The following PLBD2 variants were observed in gnomAD, a reference collection of about 807,000 sequenced individuals.
The protein encoded by PLBD2 is putative aminopeptidase PLBD2.
A neutral mutation model predicts 68.3 loss-of-function variants in PLBD2; 51 were observed. That is an observed-to-expected ratio of 0.75 (90% CI 0.60 to 0.94). PLBD2 has a LOEUF of 0.94. PLBD2 is among the 40% of genes least tolerant of loss of function. The pLI is 0.00. For missense variants in PLBD2, 729 were observed against 792.2 expected (o/e 0.92, Z 0.96); for synonymous variants, 314 against 339.3 (o/e 0.93, Z 0.82).
chr12:113,374,866 G>T lies in PLBD2; in HGVS notation c.718G>T (p.Gly240Cys). Residue 240 changes from glycine to cysteine, a missense_variant, in exon 5 of 12, where the codon GGC (glycine) becomes TGC (cysteine). Transcript: ENST00000280800. ...CAAGACCAAGATCAAACCTTCTCTG[G>T]GCTCTGGCTCCTGTTCTGCCCTCAT... ...LNKTKIKPSL[G>C]SGSCSALIKL... The T allele has an allele frequency of 6.2e-7, 1 of 1,613,934 alleles. No homozygotes were observed. The highest frequency in any genetic ancestry group is 8.5e-7 in the Non-Finnish European group (1 of 1,180,036).
At chr12:113,373,101 G>T (rs1957404179) in intron 3 of PLBD2, among the ~76,000 whole-genome samples, 1 of 152,236 alleles carries the variant, frequency 6.6e-6, no homozygotes, top group Admixed American at 6.5e-5. Context: ...TGTTTTGCTT[G>T]CATACAAGGG....
intron 1 of PLBD2, chr12:113,359,278 C>G (rs1007618444): frequency 2.1e-5 from 4 of 192,766 alleles, no homozygotes; most frequent in African/African-American, 9.4e-5. Flanking sequence ...GGCCAGCCCC[C>G]TGTCCCCAGG....
chr12:113,366,774 A>C (rs1047359322), intron 1 of PLBD2, among the ~76,000 whole-genome samples: 15 of 122,066 alleles, frequency 1.2e-4, no homozygotes, highest in Admixed American at 2.7e-4. Context: ...GCCTCTCCCC[A>C]CTCCCCTCCT....
rs1198634361 is a variant in PLBD2, at chr12:113,374,899, C to T, written c.751C>T (p.Leu251Phe). The T allele has an allele frequency of 1.2e-6, 2 of 1,614,120 alleles. No homozygotes were observed. The highest frequency in any genetic ancestry group is 1.7e-5 in the Admixed American group (1 of 60,018). Residue 251 changes from leucine to phenylalanine, a missense_variant, in exon 5 of 12, where the codon CTC becomes TTC. Coordinates refer to ENST00000280800, the MANE Select transcript of PLBD2 (RefSeq NM_173542.4). Reference sequence around the variant, plus strand: ...CTCCTGTTCTGCCCTCATCAAGCTGCTCCCTGGCCAGAGTGACCTCCTGGT... The same window carrying T: ...CTCCTGTTCTGCCCTCATCAAGCTGTTCCCTGGCCAGAGTGACCTCCTGGT... ...SGSCSALIKL[L>F]PGQSDLLVAH...
chr12:113,373,816 C>T (rs1957411388), intron 3 of PLBD2, among the ~76,000 whole-genome samples: 1 of 150,448 alleles, frequency 6.6e-6, no homozygotes. Context: ...TCCATTCACA[C>T]ACCCGTCCAT....
chr12:113,381,445 A>G (rs188549561), intron 6 of PLBD2, among the ~76,000 whole-genome samples: 35 of 152,230 alleles, frequency 2.3e-4, no homozygotes, highest in African/African-American at 7.7e-4. Context: ...TTTGATCTCC[A>G]GGGCAACGAG....
At chr12:113,380,692 G>C in intron 5 of PLBD2, 53 bp from the exon 6 acceptor site, 2 of 1,424,604 alleles carry the variant, frequency 1.4e-6, no homozygotes, top group Non-Finnish European at 1.9e-6. Context: ...GGGTGCAGGG[G>C]CCTCCACCTG....
At chr12:113,386,629 A>G (rs1011390417) in intron 9 of PLBD2, among the ~76,000 whole-genome samples, 1 of 147,872 alleles carries the variant, frequency 6.8e-6, no homozygotes, top group African/African-American at 2.5e-5. Context: ...AAGTGAGTAC[A>G]TGCCTCAGCC....
In PLBD2 at chr12:113,387,837, C is replaced by T. The variant is rs776456119; in HGVS notation, c.1533C>T (p.Leu511=). 4 of 1,614,130 alleles carry T rather than the reference C, an allele frequency of 2.5e-6. No homozygotes were observed. The highest frequency in any genetic ancestry group is 2.2e-5 in the East Asian group (1 of 44,896). The change falls in exon 11 of 12, where the codon CTC becomes CTT. Residue 511 remains leucine (L), a synonymous_variant. Transcript: ENST00000280800. The part of the protein sequence containing the change: ...GENAISARSD[L]NPANGSYPFQ... ...ATGCTATCTCCGCCCGCTCCGACCT[C>T]AACCCGGCCAATGGCTCCTACCCCT... is the stretch of plus-strand genomic sequence containing the variant.
intron 1 of PLBD2, 64 bp from the exon 2 acceptor site, chr12:113,369,052 G>T: frequency 1.8e-6 from 2 of 1,110,258 alleles, no homozygotes; most frequent in Non-Finnish European, 1.3e-6. Context: ...TTTAAGCCTG[G>T]AGATGCCATG....
Position 113,358,638 on chromosome 12 carries a change from T to A in PLBD2, c.38T>A (p.Leu13Gln). ...GQMYCYPGSH[L>Q]ARALTRALAL... is the part of the protein sequence containing the mutation. ...ATGTACTGCTACCCCGGCAGCCACC[T>A]GGCCCGGGCGCTGACGCGGGCGCTG... is the stretch of plus-strand genomic sequence containing the variant. Residue 13 changes from leucine (L) to glutamine (Q), a missense_variant, in exon 1 of 12, where the codon CTG (leucine) becomes CAG (glutamine). Transcript: ENST00000280800. The A allele has an allele frequency of 6.8e-7, 1 of 1,465,436 alleles. No individual in the cohort carries two copies. The highest frequency in any genetic ancestry group is 9.0e-7 in the Non-Finnish European group (1 of 1,115,900). 90.8% of individuals were successfully genotyped at this position (1,465,436 alleles called of 1,614,324 possible). A position where few individuals can be genotyped will look rare whatever the true frequency, so the allele number is the denominator to read the frequency against.
chr12:113,372,938 C>T lies in PLBD2; in HGVS notation c.543+131C>T. ...CTCTGTTTCCATCATCATCTCCATC[C>T]CTCCTAGCCGACCTGCCACTCATCC... is the stretch of plus-strand genomic sequence containing the variant. On this transcript the variant is annotated intron_variant, in intron 3 of 11. Coordinates refer to ENST00000280800, the MANE Select transcript of PLBD2 (RefSeq NM_173542.4). The surrounding 1 kb of genome is among the most constrained non-coding windows in gnomAD (Gnocchi z 4.2). 11 of 1,047,680 alleles carry T rather than the reference C, an allele frequency of 1.0e-5. No individual in the cohort carries two copies. Among genetic ancestry groups the T allele is most frequent in the Non-Finnish European group, 1.5e-5 (11 of 738,008 alleles). The allele number at this position is 1,047,680 out of a possible 1,614,324, so 64.9% of individuals were successfully genotyped here.
chr12:113,368,216 T>G lies in PLBD2; in HGVS notation c.291-900T>G, dbSNP rs568859744. On this transcript the variant is annotated intron_variant, in intron 1 of 11. Transcript: ENST00000280800. Reference sequence around the variant, plus strand: ...TCCTTCAGAGGAGTGGGAGCCAGCCTGCCTGGAAGTGAATCCTGCCCCTGC... The same window carrying G: ...TCCTTCAGAGGAGTGGGAGCCAGCCGGCCTGGAAGTGAATCCTGCCCCTGC... Among the ~76,000 whole-genome samples the G allele has an allele frequency of 4.6e-5, 7 of 152,334 alleles. No individual in the cohort carries two copies. The South Asian group carries it at 1.0e-3, about 23-fold the overall frequency.
At chr12:113,375,090 G>A (rs1336233015) in intron 5 of PLBD2, 83 bp downstream of exon 5, 2 of 1,286,352 alleles carry the variant, frequency 1.6e-6, no homozygotes, top group Non-Finnish European at 2.2e-6. Flanking sequence ...TTTGGGCCTT[G>A]GAAACCCTCC....
chr12:113,380,570 G>A (rs536958758), intron 5 of PLBD2, among the ~76,000 whole-genome samples, 175 bp from the exon 6 acceptor site: 4 of 152,276 alleles, frequency 2.6e-5, no homozygotes, highest in Non-Finnish European at 4.4e-5. Context: ...TTACTTGCAC[G>A]TATATGCACT....
intron 6 of PLBD2, among the ~76,000 whole-genome samples, chr12:113,382,801 G>A (rs1957503641): frequency 6.8e-6 from 1 of 147,148 alleles, no homozygotes; most frequent in Non-Finnish European, 1.5e-5. Context: ...GCTGTTCTCA[G>A]CTTTTTGGTG....
intron 9 of PLBD2, 30 bp from the exon 10 acceptor site, chr12:113,386,907 G>C: frequency 6.2e-7 from 1 of 1,609,718 alleles, no homozygotes; most frequent in Non-Finnish European, 8.5e-7. Flanking sequence ...GCCAGTGGGG[G>C]TCATGGGTGA....
Position 113,388,801 on chromosome 12 carries a change from C to T in PLBD2, c.*175C>T, listed in dbSNP as rs1957578848. ...CGAACCTGATGGGGCTCAGAACTGA[C>T]CCCCTCTCTCCCCCGAGGTGGGTGG... On this transcript the variant is annotated 3_prime_UTR_variant, in exon 12 of 12. Coordinates refer to ENST00000280800, the MANE Select transcript of PLBD2 (RefSeq NM_173542.4). 1.7e-6 allele frequency: 1 copy of T among 588,948 alleles called. No individual in the cohort carries two copies. Among genetic ancestry groups the T allele is most frequent in the Non-Finnish European group, 2.7e-6 (1 of 366,240 alleles). 36.5% of individuals were successfully genotyped at this position (588,948 alleles called of 1,614,324 possible).
chr12:113,380,853 T>C lies in PLBD2; in HGVS notation c.957+11T>C. 1 of 1,549,010 alleles carries C rather than the reference T, an allele frequency of 6.5e-7. No homozygotes were observed. Among genetic ancestry groups the C allele is most frequent in the Non-Finnish European group, 8.7e-7 (1 of 1,145,694 alleles). ...CTGGGCAGTGGGCTGGTGAGTCCCT[T>C]TCTCATGTCTCCTCTGTTCCTGGGG... is the stretch of plus-strand genomic sequence containing the variant. On this transcript the variant is annotated intron_variant, in intron 6 of 11. Transcript: ENST00000280800.
Sources: gnomAD v4.1 joint callset for allele counts (sites outside exome capture counted in the v4.1 genomes callset) on GRCh38, gnomAD v4.1.1 for gene constraint, Gnocchi (gnomAD v3.1) non-coding constraint, MANE v1.5 for transcripts, NCBI Gene and HGNC (gene_info 2026-07-23, HGNC 2026-07-21) for gene names.